ZBED6: variants seen among roughly 807,000 people sequenced by gnomAD.
ZBED6 encodes zinc finger BED domain-containing protein 6.
A neutral mutation model predicts 58.4 loss-of-function variants in ZBED6; 40 were observed. That is an observed-to-expected ratio of 0.68 (90% CI 0.53 to 0.89). ZBED6 has a LOEUF of 0.89. ZBED6 is among the 40% of genes least tolerant of loss of function. The pLI is 0.00. For synonymous variants in ZBED6, 439 were observed against 350.6 expected (o/e 1.25, Z -2.82); for missense variants, 1,057 against 1,003.9 (o/e 1.05, Z -0.71).
At chr1:203,822,085 T>G (rs1378120462) in intron 3 of ZBED6, among the ~76,000 whole-genome samples, 1 of 152,106 alleles carries the variant, frequency 6.6e-6, no homozygotes, top group African/African-American at 2.4e-5. Context: ...ATACATAGTA[T>G]TACAAATTAT....
At chr1:203,821,268 T>C (rs1678587374) in intron 3 of ZBED6, among the ~76,000 whole-genome samples, 1 of 152,180 alleles carries the variant, frequency 6.6e-6, no homozygotes. Context: ...ATTATAAGTT[T>C]CCTGAAGCCT....
At chr1:203,824,436 C>A (rs1319406968) in intron 3 of ZBED6, among the ~76,000 whole-genome samples, 1 of 152,076 alleles carries the variant, frequency 6.6e-6, no homozygotes, top group Non-Finnish European at 1.5e-5. Flanking sequence ...CTTCTGTGTG[C>A]AATTCATTTT....
At chr1:203,813,201 G>T (rs1248467199) in intron 1 of ZBED6, among the ~76,000 whole-genome samples, 2 of 150,226 alleles carry the variant, frequency 1.3e-5, no homozygotes, top group African/African-American at 5.0e-5. Flanking sequence ...ATGTTTTTTT[G>T]TTTTTTGTTT....
At chr1:203,821,874 C>T (rs1463397293) in intron 3 of ZBED6, among the ~76,000 whole-genome samples, 10 of 151,820 alleles carry the variant, frequency 6.6e-5, no homozygotes, top group African/African-American at 2.2e-4. Context: ...TCTCCTGTTT[C>T]AGTCTCCCGA....
chr1:203,838,979 A>G (rs1191283241), intron 10 of ZBED6, among the ~76,000 whole-genome samples: 1 of 150,878 alleles, frequency 6.6e-6, no homozygotes, highest in East Asian at 1.9e-4. Context: ...AAAAAAAGAA[A>G]GAAAGAAAGG....
exon 1 of ZBED6, chr1:203,797,391 G>T: frequency 2.4e-6 from 2 of 823,558 alleles, no homozygotes; most frequent in Non-Finnish European, 1.8e-6. Context: ...GGAAGTTATT[G>T]GTCCAGTGGG....
Position 203,848,253 on chromosome 1 carries a change from T to G in ZBED6, c.*4246-78T>G, listed in dbSNP as rs902422460. The G allele has an allele frequency of 7.5e-6, 9 of 1,205,440 alleles. No homozygotes were observed. The African/African-American group carries it at 1.4e-4, about 18-fold the overall frequency. 74.7% of individuals were successfully genotyped at this position (1,205,440 alleles called of 1,614,324 possible). ...GTCCTGTCTTACTACTTTCATTAAA[T>G]AAAGTTTTGTTTAACATATCTATCA... On this transcript the variant is annotated intron_variant, in intron 12 of 16. Transcript: ENST00000550078.
At chr1:203,850,014 A>T in exon 14 of ZBED6, 1 of 1,614,016 alleles carries the variant, frequency 6.2e-7, no homozygotes, top group Non-Finnish European at 8.5e-7. Flanking sequence ...GACCTTGGAA[A>T]AAAGGGGTAA....
chr1:203,849,901 C>T, exon 14 of ZBED6: 1 of 1,614,130 alleles, frequency 6.2e-7, no homozygotes, highest in Non-Finnish European at 8.5e-7. Context: ...CCAGGAATCA[C>T]ACGGCACCTG....
At chr1:203,805,729 A>G (rs1338782974) in intron 1 of ZBED6, 5 of 664,660 alleles carry the variant, frequency 7.5e-6, no homozygotes, top group African/African-American at 3.6e-5. Flanking sequence ...TGGCTCATCT[A>G]AATAGAACTC....
chr1:203,825,380 T>C (rs1411578022), intron 3 of ZBED6, among the ~76,000 whole-genome samples: 1 of 151,824 alleles, frequency 6.6e-6, no homozygotes, highest in Non-Finnish European at 1.5e-5. Context: ...TGTATTACTG[T>C]TAAAAATGTG....
chr1:203,807,281 T>A (rs533844758), intron 1 of ZBED6, among the ~76,000 whole-genome samples: 1 of 152,310 alleles, frequency 6.6e-6, no homozygotes, highest in African/African-American at 2.4e-5. Flanking sequence ...TAAACATTTT[T>A]AAAATTTTTA....
At chr1:203,842,675 A>G (rs1456790443) in intron 11 of ZBED6, among the ~76,000 whole-genome samples, 2 of 149,810 alleles carry the variant, frequency 1.3e-5, no homozygotes, top group African/African-American at 4.9e-5. Flanking sequence ...ACTTATTCTC[A>G]GGAGAAACAT....
At chr1:203,820,112 G>C (rs1300087974) in intron 3 of ZBED6, among the ~76,000 whole-genome samples, 1 of 151,710 alleles carries the variant, frequency 6.6e-6, no homozygotes, top group African/African-American at 2.4e-5. Flanking sequence ...GCACGCGTCT[G>C]TAATCCCAGC....
At chr1:203,816,442 A>G (rs1310857633) in intron 1 of ZBED6, among the ~76,000 whole-genome samples, 4 of 152,122 alleles carry the variant, frequency 2.6e-5, no homozygotes, top group Non-Finnish European at 5.9e-5. Context: ...TGAACAACAT[A>G]GCAAGATCCT....
intron 11 of ZBED6, among the ~76,000 whole-genome samples, chr1:203,840,745 T>C (rs941380991): frequency 1.3e-5 from 2 of 152,030 alleles, no homozygotes; most frequent in African/African-American, 4.8e-5. Context: ...GCAATTCCCC[T>C]GCCTCAGCCT....
In ZBED6 at chr1:203,850,698, C is replaced by T. The variant is rs1268746307; in HGVS notation, c.*4805+17C>T. ...GCAGCTGTGGTAAGAAGTATATTCA[C>T]TTTGTGGTGCTTTATTCTGTGTGGT... On this transcript the variant is annotated intron_variant, in intron 15 of 16. Coordinates refer to ENST00000550078, the Ensembl canonical transcript of ZBED6. The T allele has an allele frequency of 6.2e-7, 1 of 1,608,700 alleles. No individual in the cohort carries two copies. The highest frequency in any genetic ancestry group is 8.5e-7 in the Non-Finnish European group (1 of 1,177,162).
At chr1:203,852,655 C>T in exon 17 of ZBED6, 2 of 482,016 alleles carry the variant, frequency 4.1e-6, no homozygotes, top group Non-Finnish European at 7.4e-6. Context: ...CCCTTCTCTC[C>T]ACAAAAAAGA....
chr1:203,846,519 C>T (rs1241002629), intron 11 of ZBED6, among the ~76,000 whole-genome samples: 4 of 151,926 alleles, frequency 2.6e-5, no homozygotes, highest in African/African-American at 4.8e-5. Flanking sequence ...TTATACCTAC[C>T]TTATCAAAGC....
Sources: allele counts gnomAD v4.1 joint callset (sites outside exome capture counted in the v4.1 genomes callset), GRCh38; gene constraint gnomAD v4.1.1; transcripts MANE v1.5; gene names NCBI Gene and HGNC (gene_info 2026-07-23, HGNC 2026-07-21).